The following CLASP2 variants were observed in gnomAD, a reference collection of about 807,000 sequenced individuals.
The protein encoded by CLASP2 is CLIP-associating protein 2.
Under a neutral mutation model 194.4 loss-of-function variants are expected in CLASP2, and 47 were observed. The ratio of observed to expected loss-of-function variants is 0.24; its 90% confidence interval spans 0.19 to 0.31. The LOEUF (loss-of-function observed/expected upper bound fraction) is 0.31, where lower values mean the gene tolerates loss of function less well. Among genes scored for constraint, CLASP2 ranks in the 10% least tolerant of loss-of-function variants. The pLI is 1.00. For missense variants in CLASP2, 1,445 were observed against 1,823.6 expected, an observed-to-expected ratio of 0.79 and a Z score of 3.78; for synonymous variants, 619 against 633.5, an observed-to-expected ratio of 0.98 and a Z score of 0.34.
Position 33,632,302 on chromosome 3 carries a change from G to T in CLASP2, c.932C>A (p.Pro311His). 1 of 1,602,526 alleles carries T rather than the reference G, an allele frequency of 6.2e-7. No individual in the cohort carries two copies. Among genetic ancestry groups the T allele is most frequent in the African/African-American group, 1.3e-5 (1 of 74,710 alleles). The stretch of plus-strand genomic sequence containing the variant: ...CACTGGTAGCCTTACCTGAATAGAA[G>T]GGACATCTGTAAAAGCTTTTATAAA... ...DDFIKAFTDV[P>H]SIQIYSSREL... The change falls in exon 9 of 39, where the codon CCT (proline) becomes CAT (histidine). Residue 311 changes from proline to histidine, a missense_variant. Physicochemically the swap from Pro to His is moderately conservative, Grantham distance 77 (BLOSUM62 -2). Around this residue, in one of 4 missense-constraint regions of CLASP2, gnomAD observed 207 missense variants for 331.4 expected, o/e 0.62. Coordinates refer to ENST00000682230, the MANE Select transcript of CLASP2 (RefSeq NM_001365631.1).
intron 3 of CLASP2, 49 bp downstream of exon 3, chr3:33,689,780 T>C: frequency 7.7e-7 from 1 of 1,303,162 alleles, no homozygotes; most frequent in Non-Finnish European, 1.0e-6. Flanking sequence ...CTTTAATGAT[T>C]TCCTGTGATT....
intron 34 of CLASP2, among the ~76,000 whole-genome samples, chr3:33,528,807 G>GAAGA (rs1043360594): frequency 6.6e-6 from 1 of 151,516 alleles, no homozygotes; most frequent in African/African-American, 2.4e-5. Context: ...AGAAAGAAAG[G>GAAGA]AAGAAAGAAA....
intron 32 of CLASP2, among the ~76,000 whole-genome samples, chr3:33,540,330 A>T (rs1392266336): frequency 1.3e-5 from 2 of 148,656 alleles, no homozygotes; most frequent in African/African-American, 2.5e-5. Flanking sequence ...TTGAACTCCT[A>T]GGCTTAAATA....
intron 1 of CLASP2, among the ~76,000 whole-genome samples, chr3:33,713,012 C>CAGAAAAAAAAAAAAAAAAAAAAAA (rs1559717375): frequency 8.7e-4 from 41 of 46,992 alleles, no homozygotes; most frequent in Non-Finnish European, 9.7e-4. Context: ...AACTCCACCT[C>CAGAAAAAAAAAAAAAAAAAAAAAA]AAAAAAAAAA....
At chr3:33,605,609 A>T (rs1363620268) in intron 16 of CLASP2, among the ~76,000 whole-genome samples, 1 of 152,076 alleles carries the variant, frequency 6.6e-6, no homozygotes, top group Non-Finnish European at 1.5e-5. Flanking sequence ...AGATCCCAAA[A>T]AGAAAGAAAT....
intron 7 of CLASP2, among the ~76,000 whole-genome samples, chr3:33,648,044 A>AT: frequency 6.6e-6 from 1 of 150,894 alleles, no homozygotes; most frequent in Admixed American, 6.7e-5. Context: ...AAAAAAAAAA[A>AT]GAGTAAGTAT....
intron 25 of CLASP2, 44 bp downstream of exon 25, chr3:33,573,066 G>A (rs957727669): frequency 4.4e-6 from 7 of 1,608,038 alleles, no homozygotes; most frequent in Non-Finnish European, 5.1e-6. Flanking sequence ...AAATCAAAAA[G>A]CGCTAACCTG....
At chr3:33,619,521 G>A in intron 12 of CLASP2, 82 bp downstream of exon 12, 1 of 1,294,370 alleles carries the variant, frequency 7.7e-7, no homozygotes, top group South Asian at 1.6e-5. Flanking sequence ...GGTGGGGTGG[G>A]GAAAGGAGAG....
At chr3:33,533,568 A>G (rs1210016368) in intron 34 of CLASP2, among the ~76,000 whole-genome samples, 2 of 152,218 alleles carry the variant, frequency 1.3e-5, no homozygotes, top group Admixed American at 6.5e-5. Flanking sequence ...AAATTTTTAA[A>G]CATTCTGTGT....
At chr3:33,716,536 T>C (rs938172948) in intron 1 of CLASP2, among the ~76,000 whole-genome samples, 3 of 152,182 alleles carry the variant, frequency 2.0e-5, no homozygotes, top group Non-Finnish European at 4.4e-5. Context: ...CAAAGCGCTG[T>C]CTTTCTACAA....
intron 1 of CLASP2, among the ~76,000 whole-genome samples, chr3:33,717,026 T>C (rs1409842291): frequency 1.3e-5 from 2 of 152,148 alleles, no homozygotes; most frequent in Non-Finnish European, 2.9e-5. Flanking sequence ...TACAAAATAT[T>C]TACCTGGCCT....
rs751122925 is a variant in CLASP2 at position 33,538,800 on chromosome 3, C to T, written c.3547G>A (p.Asp1183Asn). Reference sequence around the variant, plus strand: ...ATTAAAATACTTACTGAATCGCCATCATCTTTTTTAGAATCCCTTTTCAAT... The same window carrying T: ...ATTAAAATACTTACTGAATCGCCATTATCTTTTTTAGAATCCCTTTTCAAT... Reference protein sequence around the residue: ...EPLKRDSKKDDGDSMCGGPGM... With the variant: ...EPLKRDSKKDNGDSMCGGPGM... Residue 1183 changes from aspartate (D) to asparagine (N), a missense_variant, in exon 33 of 39, where the codon GAT becomes AAT. Asp to Asn is a conservative substitution (Grantham distance 23, BLOSUM62 1). Transcript: ENST00000682230. 2 of 1,581,512 alleles carry T rather than the reference C, an allele frequency of 1.3e-6. No homozygotes were observed. Among genetic ancestry groups the T allele is most frequent in the Admixed American group, 1.9e-5 (1 of 53,262 alleles).
At chr3:33,614,272 T>C (rs2075722674) in intron 12 of CLASP2, among the ~76,000 whole-genome samples, 1 of 152,128 alleles carries the variant, frequency 6.6e-6, no homozygotes, top group African/African-American at 2.4e-5. Context: ...ATAAGTAGAA[T>C]TTAAAGGAAT....
intron 1 of CLASP2, among the ~76,000 whole-genome samples, chr3:33,710,746 C>T (rs913117341): frequency 6.6e-6 from 1 of 152,148 alleles, no homozygotes; most frequent in African/African-American, 2.4e-5. Flanking sequence ...ACCAGCCTGG[C>T]CAACATGGTG....
intron 7 of CLASP2, among the ~76,000 whole-genome samples, chr3:33,661,745 A>AT (rs1296334426): frequency 6.6e-6 from 1 of 152,212 alleles, no homozygotes; most frequent in African/African-American, 2.4e-5. Context: ...GAGATGAATG[A>AT]TGGCTAGACC....
At chr3:33,709,130 T>C (rs1301015122) in intron 1 of CLASP2, among the ~76,000 whole-genome samples, 2 of 152,220 alleles carry the variant, frequency 1.3e-5, no homozygotes, top group African/African-American at 2.4e-5. Flanking sequence ...TGTTTATTTT[T>C]GCTTTTGTTG....
At chr3:33,656,749 TATG>T (rs1334874674) in intron 7 of CLASP2, among the ~76,000 whole-genome samples, 3 of 152,192 alleles carry the variant, frequency 2.0e-5, no homozygotes, top group Non-Finnish European at 2.9e-5. Flanking sequence ...ACAAAATGGT[TATG>T]ATATGTCCAT....
At chr3:33,518,483 C>T (rs970165513) in intron 34 of CLASP2, among the ~76,000 whole-genome samples, 3 of 152,140 alleles carry the variant, frequency 2.0e-5, no homozygotes, top group Non-Finnish European at 4.4e-5. Flanking sequence ...AATTTCCTTC[C>T]CATCTCTCTG....
chr3:33,517,642 T>C (rs1041710849), intron 34 of CLASP2, among the ~76,000 whole-genome samples: 2 of 152,212 alleles, frequency 1.3e-5, no homozygotes, highest in East Asian at 1.9e-4. Flanking sequence ...AATCCCACCA[T>C]TGTAAACTTC....
Sources: allele counts gnomAD v4.1 joint callset (sites outside exome capture counted in the v4.1 genomes callset), GRCh38; gene constraint gnomAD v4.1.1; regional missense constraint gnomAD v4.1.1; transcripts MANE v1.5; gene names NCBI Gene and HGNC (gene_info 2026-07-23, HGNC 2026-07-21).